The following NRXN3 variants were observed in gnomAD, a reference collection of about 807,000 sequenced individuals.
The protein encoded by NRXN3 is neurexin III.
NRXN3 carries 32 observed loss-of-function variants against 137.6 expected under a neutral mutation model. That is an observed-to-expected ratio of 0.23 (90% CI 0.18 to 0.31). The LOEUF (loss-of-function observed/expected upper bound fraction) is 0.31, where lower values mean the gene tolerates loss of function less well. Among genes scored for constraint, NRXN3 ranks in the 10% least tolerant of loss-of-function variants. The probability of loss-of-function intolerance (pLI) is 1.00; values close to 1 mark genes in which losing one functional copy is unlikely to be tolerated. For missense variants in NRXN3, 1,574 were observed against 2,062.5 expected (o/e 0.76, Z 4.59); for synonymous variants, 798 against 784.5 (o/e 1.02, Z -0.29).
chr14:78,889,771 T>C (rs546564593), intron 10 of NRXN3, among the ~76,000 whole-genome samples: 1 of 151,884 alleles, frequency 6.6e-6, no homozygotes, highest in Non-Finnish European at 1.5e-5. Context: ...GTGTGGGAGG[T>C]AGATAGGTGT....
rs771272065 is a variant in NRXN3, at chr14:78,242,842, C to T, written c.-252C>T. 1.6e-4 allele frequency: 72 copies of T among 464,114 alleles called. 1 individual carries two copies. The highest frequency in any genetic ancestry group is 5.4e-4 in the Middle Eastern group (1 of 1,850). The allele number at this position is 464,114 out of a possible 1,614,324, so 28.7% of individuals were successfully genotyped here. ...CACTTCCCCACCTGATTTTCCTCCT[C>T]TTCTGCTGGTCCTGTCTTTTTCTAC... is the stretch of plus-strand genomic sequence containing the variant. On this transcript the variant is annotated 5_prime_UTR_variant, in exon 2 of 21. Coordinates refer to ENST00000335750, the MANE Select transcript of NRXN3 (RefSeq NM_001330195.2).
At chr14:78,180,552 C>G (rs1246082803) in intron 1 of NRXN3, among the ~76,000 whole-genome samples, 1 of 152,152 alleles carries the variant, frequency 6.6e-6, no homozygotes, top group African/African-American at 2.4e-5. Context: ...TTGCCTGTGG[C>G]CGCAGAGTTG....
intron 15 of NRXN3, among the ~76,000 whole-genome samples, chr14:79,222,632 C>A (rs1230807375): frequency 6.6e-6 from 1 of 152,136 alleles, no homozygotes; most frequent in African/African-American, 2.4e-5. Context: ...TACCATTTTG[C>A]ATTCCCACAA....
chr14:78,462,297 G>A (rs181576225), intron 4 of NRXN3, among the ~76,000 whole-genome samples: 1 of 152,302 alleles, frequency 6.6e-6, no homozygotes, highest in African/African-American at 2.4e-5. Flanking sequence ...GCAGAGACCA[G>A]GCACATACAG....
intron 15 of NRXN3, among the ~76,000 whole-genome samples, chr14:79,329,773 G>C (rs1357836817): frequency 6.6e-6 from 1 of 151,872 alleles, no homozygotes; most frequent in Non-Finnish European, 1.5e-5. Context: ...GGATTGGACT[G>C]TTTGAATATT....
intron 15 of NRXN3, among the ~76,000 whole-genome samples, chr14:79,120,253 G>A (rs936862201): frequency 4.6e-5 from 7 of 152,076 alleles, no homozygotes; most frequent in South Asian, 2.1e-4. Context: ...ATTTTCTTCC[G>A]CTAAGCAGAA....
intron 2 of NRXN3, among the ~76,000 whole-genome samples, chr14:78,274,805 G>A (rs2073341032): frequency 1.3e-5 from 2 of 152,172 alleles, no homozygotes; most frequent in Admixed American, 6.5e-5. Context: ...TGTTCCTACT[G>A]TTTAGAGCAT....
intron 16 of NRXN3, among the ~76,000 whole-genome samples, chr14:79,610,877 T>G (rs958984966): frequency 2.0e-5 from 3 of 152,226 alleles, no homozygotes; most frequent in African/African-American, 7.2e-5. Flanking sequence ...CCCTTTATGC[T>G]GCAAGTTCTG....
chr14:79,504,893 T>G (rs896021289), intron 16 of NRXN3, among the ~76,000 whole-genome samples: 4 of 151,902 alleles, frequency 2.6e-5, no homozygotes, highest in Admixed American at 6.6e-5. Context: ...TTTAATTCAC[T>G]TAGAAATATC....
intron 10 of NRXN3, among the ~76,000 whole-genome samples, chr14:78,945,410 T>C (rs1440248953): frequency 6.6e-6 from 1 of 152,176 alleles, no homozygotes; most frequent in Non-Finnish European, 1.5e-5. Flanking sequence ...ATCCATTGTA[T>C]GTTTTTATTT....
intron 1 of NRXN3, among the ~76,000 whole-genome samples, chr14:78,235,595 TA>T (rs59835294): frequency 0.022 from 2,945 of 136,082 alleles, 65 homozygotes; most frequent in African/African-American, 0.062. Flanking sequence ...TAGTTTTTAG[TA>T]AAAAAAAAAA....
At chr14:78,917,987 T>TAAAA (rs1567699023) in intron 10 of NRXN3, among the ~76,000 whole-genome samples, 4 of 76,476 alleles carry the variant, frequency 5.2e-5, no homozygotes, top group Admixed American at 3.8e-4. Flanking sequence ...AATAAAAAAA[T>TAAAA]GAAAAAAAAA....
chr14:78,283,188 CCACTT>C lies in NRXN3; in HGVS notation c.727+4527_727+4531del, dbSNP rs750783318. Reference sequence around the variant, plus strand: ...GGGAACGAGAATGAACACTTACTGACCACTTAGTCTGCGCTGGTCACTGTTCAGGC... The same window carrying C: ...GGGAACGAGAATGAACACTTACTGACAGTCTGCGCTGGTCACTGTTCAGGC... On this transcript the variant is annotated intron_variant, in intron 3 of 20. Transcript: ENST00000335750. The C allele has an allele frequency of 7.9e-5, 12 of 152,328 alleles. No individual in the cohort carries two copies. The East Asian group carries it at 1.2e-3, about 15-fold the overall frequency. The allele number at this position is 152,328 out of a possible 1,614,324, so 9.4% of individuals were successfully genotyped here. A position where few individuals can be genotyped will look rare whatever the true frequency, so the allele number is the denominator to read the frequency against.
At chr14:78,728,673 G>A (rs113387867) in intron 8 of NRXN3, among the ~76,000 whole-genome samples, 21,959 of 151,998 alleles carry the variant, frequency 0.14, 2,027 homozygotes, top group Non-Finnish European at 0.22. Flanking sequence ...AGAGGTGGGC[G>A]GATCACGAGG....
intron 15 of NRXN3, among the ~76,000 whole-genome samples, chr14:79,124,183 G>A (rs1490145695): frequency 6.6e-6 from 1 of 152,152 alleles, no homozygotes; most frequent in African/African-American, 2.4e-5. Context: ...TGCTGCTTTA[G>A]CTGAGGAACA....
intron 16 of NRXN3, among the ~76,000 whole-genome samples, chr14:79,556,340 A>G (rs2097429430): frequency 6.6e-6 from 1 of 152,170 alleles, no homozygotes; most frequent in South Asian, 2.1e-4. Flanking sequence ...AAGATGCTTA[A>G]AGAATAGGTG....
chr14:79,825,724 C>G (rs2099295767), intron 20 of NRXN3, among the ~76,000 whole-genome samples: 1 of 152,174 alleles, frequency 6.6e-6, no homozygotes, highest in African/African-American at 2.4e-5. Context: ...TGAGACTTTT[C>G]TTTCCATCCT....
At chr14:78,570,219 A>G (rs778351824) in intron 4 of NRXN3, among the ~76,000 whole-genome samples, 1 of 152,174 alleles carries the variant, frequency 6.6e-6, no homozygotes, top group Non-Finnish European at 1.5e-5. Flanking sequence ...ATGCCCTTAG[A>G]AAAAGGACCC....
At chr14:79,538,272 G>A (rs1392522018) in intron 16 of NRXN3, among the ~76,000 whole-genome samples, 2 of 152,052 alleles carry the variant, frequency 1.3e-5, no homozygotes, top group African/African-American at 4.8e-5. Context: ...AGTTTCTTTT[G>A]CTGTGCAGAA....
Sources: allele counts gnomAD v4.1 joint callset (sites outside exome capture counted in the v4.1 genomes callset), GRCh38; gene constraint gnomAD v4.1.1; transcripts MANE v1.5; gene names NCBI Gene and HGNC (gene_info 2026-07-23, HGNC 2026-07-21).